Variants in VPS4A observed in about 807,000 individuals in gnomAD.
VPS4A encodes vacuolar protein sorting 4 homolog A, also known as vacuolar protein sorting-associated protein 4A.
A neutral mutation model predicts 52.3 loss-of-function variants in VPS4A; 20 were observed. The observed-to-expected ratio is 0.38, with a 90% CI of 0.27 to 0.56. The LOEUF is 0.56. VPS4A is among the 20% of genes least tolerant of loss of function. VPS4A has a pLI of 0.72. For synonymous variants in VPS4A, 293 were observed against 227.7 expected, an observed-to-expected ratio of 1.29 and a Z score of -2.58; for missense variants, 419 against 575.9, an observed-to-expected ratio of 0.73 and a Z score of 2.79.
In VPS4A at chr16:69,322,604, C is replaced by T. The variant is rs1467311279; in HGVS notation, c.1116C>T (p.Asp372=). 6.2e-7 allele frequency: 1 copy of T among 1,613,882 alleles called. No homozygotes were observed. Among genetic ancestry groups the T allele is most frequent in the Non-Finnish European group, 8.5e-7 (1 of 1,179,856 alleles). The stretch of plus-strand genomic sequence containing the variant: ...CCAACCCCAGCATGATGATTGATGA[C>T]CTCCTGACTCCATGCTCACCAGGGG... ...SRTNPSMMID[D]LLTPCSPGDP... Residue 372 remains aspartate (D), a synonymous_variant, in exon 10 of 11, where the codon GAC becomes GAT. Coordinates refer to ENST00000254950, the MANE Select transcript of VPS4A (RefSeq NM_013245.3).
At chr16:69,323,140 T>C (rs1322018138) in intron 10 of VPS4A, 1 of 162,514 alleles carries the variant, frequency 6.2e-6, no homozygotes, top group African/African-American at 2.4e-5. Context: ...GAAGCTGGCA[T>C]TACACTCACT....
In VPS4A at chr16:69,318,685, A is replaced by G. The variant is rs766947194; in HGVS notation, c.317A>G (p.Lys106Arg). 1 of 1,613,526 alleles carries G rather than the reference A, an allele frequency of 6.2e-7. No individual in the cohort carries two copies. The highest frequency in any genetic ancestry group is 1.7e-5 in the Admixed American group (1 of 59,958). The change falls in exon 4 of 11, where the codon AAA becomes AGA. Residue 106 changes from lysine (K) to arginine (R), a missense_variant. Lys to Arg is a conservative substitution (Grantham distance 26, BLOSUM62 2). Around this residue, in one of 3 missense-constraint regions of VPS4A, gnomAD observed 131 missense variants for 165.4 expected, o/e 0.79. Coordinates refer to ENST00000254950, the MANE Select transcript of VPS4A (RefSeq NM_013245.3). ...GACAGTGAAGGGGATAATCCGGAGA[A>G]AAAGAAACTGCAAGAACAGCTGATG... ...DSDSEGDNPE[K>R]KKLQEQLMGA...
At chr16:69,314,098 C>T (rs912785123) in intron 1 of VPS4A, among the ~76,000 whole-genome samples, 3 of 150,546 alleles carry the variant, frequency 2.0e-5, no homozygotes, top group Non-Finnish European at 3.0e-5. Context: ...CCCAAGTAGC[C>T]GTAACTACAG....
chr16:69,320,578 C>T lies in VPS4A; in HGVS notation c.770-110C>T, dbSNP rs1029175567. ...GGGACCCTGCCAGTGGTGGGTGGCA[C>T]AGGGATGGCTTCAATTGCTGACACA... On this transcript the variant is annotated intron_variant, in intron 7 of 10. Coordinates refer to ENST00000254950, the MANE Select transcript of VPS4A (RefSeq NM_013245.3). The surrounding 1 kb of genome is among the most constrained non-coding windows in gnomAD (Gnocchi z 4.2). 2.0e-6 allele frequency: 2 copies of T among 983,792 alleles called. No homozygotes were observed. The highest frequency in any genetic ancestry group is 1.6e-5 in the African/African-American group (1 of 61,534). The allele number at this position is 983,792 out of a possible 1,614,324, so 60.9% of individuals were successfully genotyped here.
At position 69,320,551 on chromosome 16, in the gene VPS4A, T is replaced by C; in HGVS notation, c.770-137T>C. On this transcript the variant is annotated intron_variant, in intron 7 of 10. Transcript: ENST00000254950. The surrounding 1 kb of genome is among the most constrained non-coding windows in gnomAD (Gnocchi z 4.2). Reference sequence around the variant, plus strand: ...AGACCAAGATGTGGTTTAATCTCACTTGGGACCCTGCCAGTGGTGGGTGGC... The same window carrying C: ...AGACCAAGATGTGGTTTAATCTCACCTGGGACCCTGCCAGTGGTGGGTGGC... 1.2e-6 allele frequency: 1 copy of C among 857,680 alleles called. No individual in the cohort carries two copies. The highest frequency in any genetic ancestry group is 1.8e-6 in the Non-Finnish European group (1 of 549,574). The allele number at this position is 857,680 out of a possible 1,614,324, so 53.1% of individuals were successfully genotyped here. A position where few individuals can be genotyped will look rare whatever the true frequency, so the allele number is the denominator to read the frequency against.
Position 69,321,324 on chromosome 16 carries a change from C to T in VPS4A, c.1071+54C>T, listed in dbSNP as rs1450793534. ...AATCTCATAGTAAGAGCGGGATGTT[C>T]GGTTTTTTTTTTCCCAGCTCCTGGT... On this transcript the variant is annotated intron_variant, in intron 9 of 10. Coordinates refer to ENST00000254950, the MANE Select transcript of VPS4A (RefSeq NM_013245.3). This position sits in a 1 kb window ranked among gnomAD's most constrained non-coding sequence, Gnocchi z 4.5. 1.7e-5 allele frequency: 26 copies of T among 1,487,760 alleles called. No individual in the cohort carries two copies. The East Asian group carries it at 2.5e-4, about 14-fold the overall frequency. The allele number at this position is 1,487,760 out of a possible 1,614,324, so 92.2% of individuals were successfully genotyped here.
chr16:69,324,369 T>C lies in VPS4A; in HGVS notation c.*60T>C. The stretch of plus-strand genomic sequence containing the variant: ...GGTTGATTGGGGCAAATCCAGGCAC[T>C]CCCCATGTCAACAGCCAGACAGGGC... On this transcript the variant is annotated 3_prime_UTR_variant, in exon 11 of 11. Coordinates refer to ENST00000254950, the MANE Select transcript of VPS4A (RefSeq NM_013245.3). The C allele has an allele frequency of 1.3e-6, 2 of 1,534,004 alleles. No individual in the cohort carries two copies. The highest frequency in any genetic ancestry group is 1.8e-6 in the Non-Finnish European group (2 of 1,117,942).
rs1252621512 is a variant in VPS4A at position 69,321,779 on chromosome 16, G to A, written c.1071+509G>A. The A allele has an allele frequency of 3.9e-5, 7 of 178,184 alleles. No homozygotes were observed. In the East Asian group the frequency reaches 6.1e-4, roughly 16 times the overall value. The allele number at this position is 178,184 out of a possible 1,614,324, so 11.0% of individuals were successfully genotyped here. A position where few individuals can be genotyped will look rare whatever the true frequency, so the allele number is the denominator to read the frequency against. On this transcript the variant is annotated intron_variant, in intron 9 of 10. Transcript: ENST00000254950. The surrounding 1 kb of genome is among the most constrained non-coding windows in gnomAD (Gnocchi z 4.5). The stretch of plus-strand genomic sequence containing the variant: ...AACACAGTCAGTGAGTGTCTCAGAG[G>A]ATGGAGATGGAGCAGGGTTAGGAGA...
In VPS4A at chr16:69,312,865, G is replaced by A. The variant is rs1042513742; in HGVS notation, c.21+1333G>A. Among the ~76,000 whole-genome samples the A allele has an allele frequency of 2.0e-5, 3 of 151,794 alleles. No homozygotes were observed. The South Asian group carries it at 6.2e-4, about 32-fold the overall frequency. Reference sequence around the variant, plus strand: ...CGACCTCAGATGATCTGCCCACTTCGGCCTCCCAGAGTGCTGGGATTACAG... The same window carrying A: ...CGACCTCAGATGATCTGCCCACTTCAGCCTCCCAGAGTGCTGGGATTACAG... On this transcript the variant is annotated intron_variant, in intron 1 of 10. Coordinates refer to ENST00000254950, the MANE Select transcript of VPS4A (RefSeq NM_013245.3).
chr16:69,325,817 G>A lies in VPS4A; in HGVS notation c.*1508G>A, dbSNP rs74197901. Reference sequence around the variant, plus strand: ...TTAAATTAGGTAATGTTGGGCCTGCGTCCTCATGGGGCAGCCTGTCAGCGG... The same window carrying A: ...TTAAATTAGGTAATGTTGGGCCTGCATCCTCATGGGGCAGCCTGTCAGCGG... On this transcript the variant is annotated 3_prime_UTR_variant, in exon 11 of 11. Transcript: ENST00000254950. The A allele has an allele frequency of 0.084, 12,832 of 151,930 alleles. 631 individuals carry two copies. The highest frequency in any genetic ancestry group is 0.15 in the South Asian group (711 of 4,804). The allele number at this position is 151,930 out of a possible 1,614,324, so 9.4% of individuals were successfully genotyped here. A position where few individuals can be genotyped will look rare whatever the true frequency, so the allele number is the denominator to read the frequency against.
At position 69,324,529 on chromosome 16, in the gene VPS4A, T is replaced by G; in HGVS notation, c.*220T>G. ...ACACAGTGGACACTGCTCTTCCTAC[T>G]TCCTCCTCTCCTGGATGCTCATCAG... On this transcript the variant is annotated 3_prime_UTR_variant, in exon 11 of 11. Coordinates refer to ENST00000254950, the MANE Select transcript of VPS4A (RefSeq NM_013245.3). 1.8e-6 allele frequency: 1 copy of G among 552,704 alleles called. No individual in the cohort carries two copies. The allele number at this position is 552,704 out of a possible 1,614,324, so 34.2% of individuals were successfully genotyped here.
chr16:69,311,551 C>T lies in VPS4A; in HGVS notation c.21+19C>T. The stretch of plus-strand genomic sequence containing the variant: ...CCTCCAGGTACTTCGTGCGGCCCGG[C>T]CCGACTTCGGAGGCCGAAGGCAGCG... On this transcript the variant is annotated intron_variant, in intron 1 of 10. Coordinates refer to ENST00000254950, the MANE Select transcript of VPS4A (RefSeq NM_013245.3). 3 of 1,311,454 alleles carry T rather than the reference C, an allele frequency of 2.3e-6. No individual in the cohort carries two copies. The highest frequency in any genetic ancestry group is 3.2e-5 in the East Asian group (1 of 30,998). The allele number at this position is 1,311,454 out of a possible 1,614,324, so 81.2% of individuals were successfully genotyped here.
chr16:69,322,780 C>T (rs1381989254), intron 10 of VPS4A, 80 bp downstream of exon 10: 9 of 1,515,236 alleles, frequency 5.9e-6, no homozygotes, highest in Non-Finnish European at 8.0e-6. Flanking sequence ...TAAAAACGGT[C>T]TTCTCCAGGC....
At position 69,311,490 on chromosome 16, in the gene VPS4A, TG is replaced by T; in HGVS notation, c.-18del. 2.2e-6 allele frequency: 3 copies of T among 1,339,368 alleles called. No individual in the cohort carries two copies. The highest frequency in any genetic ancestry group is 2.1e-5 in the South Asian group (1 of 46,672). The allele number at this position is 1,339,368 out of a possible 1,614,324, so 83.0% of individuals were successfully genotyped here. On this transcript the variant is annotated 5_prime_UTR_variant, in exon 1 of 11. Coordinates refer to ENST00000254950, the MANE Select transcript of VPS4A (RefSeq NM_013245.3). ...AGGCCGCAAGCAGCGCCGCGGGGTG[TG>T]GGGCGGACCCAGGAGATGAAATGAC...
Position 69,324,596 on chromosome 16 carries a change from C to G in VPS4A, c.*287C>G. 1 of 387,168 alleles carries G rather than the reference C, an allele frequency of 2.6e-6. No homozygotes were observed. Among genetic ancestry groups the G allele is most frequent in the South Asian group, 3.2e-5 (1 of 31,390 alleles). The allele number at this position is 387,168 out of a possible 1,614,324, so 24.0% of individuals were successfully genotyped here. ...CCCTTTTTTTTCCATCTTTTGTTCC[C>G]CTAAATTAATGCTGCTTGGATTTTC... On this transcript the variant is annotated 3_prime_UTR_variant, in exon 11 of 11. Transcript: ENST00000254950.
intron 3 of VPS4A, 26 bp from the exon 4 acceptor site, chr16:69,318,624 T>G (rs1965468173): frequency 6.3e-7 from 1 of 1,592,442 alleles, no homozygotes; most frequent in Non-Finnish European, 8.5e-7. Context: ...AAGGGCCAGC[T>G]TGTGACTTTC....
At chr16:69,323,526 C>T (rs528537456) in intron 10 of VPS4A, 96 of 401,330 alleles carry the variant, frequency 2.4e-4, no homozygotes, top group South Asian at 1.5e-3. Context: ...TTTGGCTTTG[C>T]GGTGCAGTGA....
intron 9 of VPS4A, 98 bp from the exon 10 acceptor site, chr16:69,322,462 C>G (rs892940265): frequency 5.9e-6 from 8 of 1,349,632 alleles, no homozygotes; most frequent in Non-Finnish European, 7.9e-6. Context: ...GCTAGGGACC[C>G]ACAGAGCATT....
rs1432524871 is a variant in VPS4A at position 69,324,509 on chromosome 16, G to C, written c.*200G>C. The C allele has an allele frequency of 1.7e-6, 1 of 594,994 alleles. No individual in the cohort carries two copies. The highest frequency in any genetic ancestry group is 2.9e-5 in the East Asian group (1 of 35,080). The allele number at this position is 594,994 out of a possible 1,614,324, so 36.9% of individuals were successfully genotyped here. A position where few individuals can be genotyped will look rare whatever the true frequency, so the allele number is the denominator to read the frequency against. On this transcript the variant is annotated 3_prime_UTR_variant, in exon 11 of 11. Transcript: ENST00000254950. ...ACACTCCACTGCCCTGGGGCACACA[G>C]TGGACACTGCTCTTCCTACTTCCTC...
Sources: gnomAD v4.1 joint callset for allele counts (sites outside exome capture counted in the v4.1 genomes callset) on GRCh38, gnomAD v4.1.1 for gene constraint, gnomAD v4.1.1 regional missense constraint, Gnocchi (gnomAD v3.1) non-coding constraint, MANE v1.5 for transcripts, NCBI Gene and HGNC (gene_info 2026-07-23, HGNC 2026-07-21) for gene names.